The following LARGE1 variants were observed in gnomAD, a reference collection of about 807,000 sequenced individuals.
The protein encoded by LARGE1 is xylosyl- and glucuronyltransferase LARGE1.
Under a neutral mutation model 87.6 loss-of-function variants are expected in LARGE1, and 43 were observed. That is an observed-to-expected ratio of 0.49 (90% CI 0.38 to 0.63). The LOEUF is 0.63. LARGE1 is among the 30% of genes least tolerant of loss of function. The pLI is 0.00. For synonymous variants in LARGE1, 434 were observed against 394.6 expected, an observed-to-expected ratio of 1.10 and a Z score of -1.18; for missense variants, 802 against 1,000.2, an observed-to-expected ratio of 0.80 and a Z score of 2.67.
chr22:33,491,289 A>G (rs878927406), intron 6 of LARGE1, among the ~76,000 whole-genome samples: 1 of 152,220 alleles, frequency 6.6e-6, no homozygotes, highest in Admixed American at 6.5e-5. Flanking sequence ...TACATGTAAT[A>G]ATGTAAAAAT....
intron 1 of LARGE1, among the ~76,000 whole-genome samples, chr22:33,828,279 G>A (rs186597049): frequency 7.2e-5 from 11 of 152,346 alleles, no homozygotes; most frequent in East Asian, 1.9e-4. Flanking sequence ...GAAGAGAGAC[G>A]CTGACACAGG....
chr22:33,744,248 T>C (rs537937909), intron 2 of LARGE1: 1 of 152,356 alleles, frequency 6.6e-6, no homozygotes, highest in Non-Finnish European at 1.5e-5. Flanking sequence ...CTTTAGACTT[T>C]CAAATACATC....
At chr22:33,224,019 C>T (rs76500367) in intron 11 of LARGE1, among the ~76,000 whole-genome samples, 4,915 of 152,234 alleles carry the variant, frequency 0.032, 268 homozygotes, top group African/African-American at 0.11. Context: ...TCAGGATGGG[C>T]GCGGTGGCTC....
intron 1 of LARGE1, among the ~76,000 whole-genome samples, chr22:33,784,607 T>G: frequency 6.6e-6 from 1 of 152,132 alleles, no homozygotes; most frequent in Middle Eastern, 3.2e-3. Flanking sequence ...AATAATGTAT[T>G]GAAAAGTTAG....
chr22:33,268,294 C>G (rs1305788626), downstream of LARGE1, among the ~76,000 whole-genome samples: 1 of 151,076 alleles, frequency 6.6e-6, no homozygotes, highest in Non-Finnish European at 1.5e-5. Flanking sequence ...TTTGATGTAT[C>G]TTTTCTCCTT....
chr22:33,564,812 A>G (rs2077973726), intron 6 of LARGE1, 36 bp downstream of exon 6: 1 of 1,611,026 alleles, frequency 6.2e-7, no homozygotes, highest in South Asian at 1.1e-5. Flanking sequence ...GATACCTACA[A>G]GGATATCGGG....
intron 6 of LARGE1, among the ~76,000 whole-genome samples, chr22:33,476,549 A>G (rs1053212642): frequency 6.6e-6 from 1 of 152,206 alleles, no homozygotes; most frequent in Non-Finnish European, 1.5e-5. Flanking sequence ...TGTCTTCAGG[A>G]CTTCCTGAGG....
the LARGE1 span, among the ~76,000 whole-genome samples, chr22:33,090,277 A>G: frequency 0.42 from 64,205 of 151,956 alleles, 14,571 homozygotes; most frequent in Middle Eastern, 0.61. Flanking sequence ...CATCTTAGTG[A>G]GGTGAGTTGG....
intron 6 of LARGE1, among the ~76,000 whole-genome samples, chr22:33,547,604 AC>A (rs2077397898): frequency 6.6e-6 from 1 of 151,276 alleles, no homozygotes; most frequent in Non-Finnish European, 1.5e-5. Flanking sequence ...GATCAGCCTG[AC>A]CAACATGGTG....
At chr22:33,741,222 A>T (rs572045733) in intron 2 of LARGE1, among the ~76,000 whole-genome samples, 1 of 152,342 alleles carries the variant, frequency 6.6e-6, no homozygotes, top group South Asian at 2.1e-4. Flanking sequence ...CCAGCATTTA[A>T]TTAGATTACA....
chr22:33,688,948 A>T (rs1391005559), intron 2 of LARGE1, among the ~76,000 whole-genome samples: 1 of 152,144 alleles, frequency 6.6e-6, no homozygotes, highest in Admixed American at 6.5e-5. Flanking sequence ...CTCCCCCAGC[A>T]CTGGCCCCAG....
chr22:33,204,799 AT>A (rs921105775), intron 11 of LARGE1, among the ~76,000 whole-genome samples: 1 of 150,888 alleles, frequency 6.6e-6, no homozygotes, highest in Non-Finnish European at 1.5e-5. Flanking sequence ...TAATTCCAGC[AT>A]TTTTTTTCAA....
intron 1 of LARGE1, among the ~76,000 whole-genome samples, chr22:33,785,450 CT>C (rs2085611947): frequency 6.6e-6 from 1 of 152,126 alleles, no homozygotes; most frequent in Admixed American, 6.5e-5. Flanking sequence ...ATCCAGCACT[CT>C]TTCTAATACC....
intron 6 of LARGE1, among the ~76,000 whole-genome samples, chr22:33,544,967 A>G (rs1277437992): frequency 1.3e-5 from 2 of 152,186 alleles, no homozygotes; most frequent in Non-Finnish European, 2.9e-5. Context: ...AAAAACAGTC[A>G]TTCTGCTGAT....
chr22:33,435,947 A>G (rs1169361790), intron 6 of LARGE1, among the ~76,000 whole-genome samples: 1 of 152,220 alleles, frequency 6.6e-6, no homozygotes, highest in African/African-American at 2.4e-5. Flanking sequence ...AAAGAAATTC[A>G]TTAGCTGCCA....
At chr22:33,597,241 G>C (rs1267252431) in intron 5 of LARGE1, among the ~76,000 whole-genome samples, 2 of 142,080 alleles carry the variant, frequency 1.4e-5, no homozygotes, top group Non-Finnish European at 3.0e-5. Flanking sequence ...GTGATCTCTT[G>C]TTGGGCAATT....
At chr22:33,905,852 T>C (rs1378547744) in intron 1 of LARGE1, among the ~76,000 whole-genome samples, 12 of 152,226 alleles carry the variant, frequency 7.9e-5, no homozygotes, top group Non-Finnish European at 1.5e-5. Context: ...GGACAGGGCC[T>C]GGTGCAGTGG....
intron 1 of LARGE1, among the ~76,000 whole-genome samples, chr22:33,809,976 C>T (rs2086442226): frequency 6.6e-6 from 1 of 152,096 alleles, no homozygotes; most frequent in Non-Finnish European, 1.5e-5. Flanking sequence ...GTACTAGCCA[C>T]ATTTCAAGCA....
chr22:33,352,396 T>C (rs142700236), intron 9 of LARGE1, among the ~76,000 whole-genome samples: 3 of 152,262 alleles, frequency 2.0e-5, no homozygotes, highest in East Asian at 1.9e-4. Context: ...CAATGAAAGC[T>C]TGAAGTTTAC....
Sources: gnomAD v4.1 joint callset for allele counts (sites outside exome capture counted in the v4.1 genomes callset) on GRCh38, gnomAD v4.1.1 for gene constraint, MANE v1.5 for transcripts, NCBI Gene and HGNC (gene_info 2026-07-23, HGNC 2026-07-21) for gene names.